The following NEK11 variants were observed in gnomAD, a reference collection of about 807,000 sequenced individuals.
NEK11 encodes serine/threonine-protein kinase Nek11.
A neutral mutation model predicts 80.7 loss-of-function variants in NEK11; 72 were observed. That is an observed-to-expected ratio of 0.89 (90% CI 0.74 to 1.08). NEK11 has a LOEUF of 1.08. Among genes scored for constraint, NEK11 ranks in the 50% least tolerant of loss-of-function variants. The probability of loss-of-function intolerance (pLI) is 0.00; values close to 1 mark genes in which losing one functional copy is unlikely to be tolerated. For synonymous variants in NEK11, 251 were observed against 260.7 expected (o/e 0.96, Z 0.36); for missense variants, 764 against 763.6 (o/e 1.00, Z -0.01).
chr3:131,321,707 A>T (rs1250184928), intron 17 of NEK11, among the ~76,000 whole-genome samples: 1 of 152,232 alleles, frequency 6.6e-6, no homozygotes, highest in Non-Finnish European at 1.5e-5. Flanking sequence ...TCTGAAAAGA[A>T]GACATACAAG....
At chr3:131,202,388 A>C (rs1375323802) in intron 14 of NEK11, among the ~76,000 whole-genome samples, 1 of 152,154 alleles carries the variant, frequency 6.6e-6, no homozygotes, top group East Asian at 1.9e-4. Flanking sequence ...GGACACTGCC[A>C]CCTAAACACT....
At chr3:131,319,985 G>A (rs72993104) in intron 17 of NEK11, among the ~76,000 whole-genome samples, 19,640 of 151,864 alleles carry the variant, frequency 0.13, 1,867 homozygotes, top group East Asian at 0.3. Flanking sequence ...AATCTGAACT[G>A]TATGAAATTG....
Position 131,100,248 on chromosome 3 carries a change from G to A in NEK11, c.337-9555G>A, listed in dbSNP as rs111252916. 2.7e-3 allele frequency among the ~76,000 whole-genome samples: 407 copies of A among 152,134 alleles called. 2 individuals carry two copies. The highest frequency in any genetic ancestry group is 7.5e-3 in the South Asian group (36 of 4,802). On this transcript the variant is annotated intron_variant, in intron 4 of 17. Coordinates refer to ENST00000383366, the MANE Select transcript of NEK11 (RefSeq NM_024800.5). ...CGCTTTTAATTTTGTTTATGTGGTG[G>A]GTGAATCACATTTATTGATTTGTGT...
chr3:131,267,558 A>G (rs2096084593), intron 16 of NEK11, among the ~76,000 whole-genome samples: 1 of 151,554 alleles, frequency 6.6e-6, no homozygotes, highest in African/African-American at 2.4e-5. Context: ...TGAGAGAGCC[A>G]CTGTTAGTCT....
At chr3:131,247,027 T>A (rs2095614123) in intron 16 of NEK11, among the ~76,000 whole-genome samples, 1 of 152,128 alleles carries the variant, frequency 6.6e-6, no homozygotes, top group Non-Finnish European at 1.5e-5. Flanking sequence ...AGTGCTTTGT[T>A]GGATGTATAG....
intron 17 of NEK11, among the ~76,000 whole-genome samples, chr3:131,317,197 G>A (rs1241644404): frequency 1.3e-5 from 2 of 152,214 alleles, no homozygotes; most frequent in Non-Finnish European, 2.9e-5. Context: ...ACCTAGGACA[G>A]TGTCAGCAGC....
At chr3:131,194,918 C>T (rs538432330) in intron 14 of NEK11, among the ~76,000 whole-genome samples, 2 of 152,260 alleles carry the variant, frequency 1.3e-5, no homozygotes, top group East Asian at 3.9e-4. Flanking sequence ...CAGACAAGTT[C>T]TGAAACTTTC....
At position 131,196,351 on chromosome 3, in the gene NEK11, C is replaced by T. The variant is rs114560459; in HGVS notation, c.1399+25464C>T. On this transcript the variant is annotated intron_variant, in intron 14 of 17. Transcript: ENST00000383366. The stretch of plus-strand genomic sequence containing the variant: ...ATAGATTCTTACTGTATAACACACA[C>T]AAAAATAAATTTCAGTGAATTAAAA... Among the ~76,000 whole-genome samples the T allele has an allele frequency of 6.6e-3, 1,006 of 151,724 alleles. 15 individuals are homozygous for T. Among genetic ancestry groups the T allele is most frequent in the East Asian group, 0.052 (267 of 5,178 alleles).
chr3:131,161,653 G>A (rs1560715022), intron 10 of NEK11, among the ~76,000 whole-genome samples: 1 of 152,114 alleles, frequency 6.6e-6, no homozygotes, highest in Non-Finnish European at 1.5e-5. Context: ...GACACATAGA[G>A]GGGAACAACA....
At chr3:131,105,648 T>C (rs2079066912) in intron 4 of NEK11, among the ~76,000 whole-genome samples, 1 of 152,162 alleles carries the variant, frequency 6.6e-6, no homozygotes, top group Admixed American at 6.5e-5. Flanking sequence ...TAGATGCTTA[T>C]AAAACCATCA....
intron 16 of NEK11, among the ~76,000 whole-genome samples, chr3:131,248,331 T>C (rs2095639853): frequency 6.6e-6 from 1 of 152,148 alleles, no homozygotes; most frequent in Non-Finnish European, 1.5e-5. Flanking sequence ...ATGCTTTTTC[T>C]GCATCTATAT....
intron 5 of NEK11, among the ~76,000 whole-genome samples, chr3:131,110,244 A>C (rs1217849097): frequency 6.6e-6 from 1 of 152,118 alleles, no homozygotes; most frequent in African/African-American, 2.4e-5. Context: ...GCATCCTATG[A>C]ATTTATTGTA....
intron 14 of NEK11, among the ~76,000 whole-genome samples, chr3:131,211,527 TG>T (rs1230006220): frequency 1.3e-5 from 2 of 152,246 alleles, no homozygotes; most frequent in East Asian, 3.8e-4. Context: ...CTTGCTAGGT[TG>T]GGGAAGTTCT....
At chr3:131,197,078 G>C (rs2094046629) in intron 14 of NEK11, among the ~76,000 whole-genome samples, 1 of 152,054 alleles carries the variant, frequency 6.6e-6, no homozygotes, top group African/African-American at 2.4e-5. Context: ...TTTCCTACCT[G>C]ATTGGTCAGG....
intron 4 of NEK11, among the ~76,000 whole-genome samples, chr3:131,082,746 G>A (rs930594417): frequency 1.3e-5 from 2 of 152,112 alleles, no homozygotes; most frequent in Non-Finnish European, 2.9e-5. Context: ...AATGTTACAA[G>A]AGTAACACAA....
intron 5 of NEK11, among the ~76,000 whole-genome samples, chr3:131,128,808 G>T (rs907792478): frequency 1.9e-4 from 29 of 152,264 alleles, no homozygotes; most frequent in African/African-American, 6.3e-4. Context: ...CCACATCCTT[G>T]TGAGCATTTG....
chr3:131,300,178 C>T (rs2096645688), intron 17 of NEK11, among the ~76,000 whole-genome samples: 1 of 152,126 alleles, frequency 6.6e-6, no homozygotes, highest in African/African-American at 2.4e-5. Flanking sequence ...TGTATGTCTT[C>T]TTTTAAGAAG....
At chr3:131,317,457 G>T (rs558119398) in intron 17 of NEK11, among the ~76,000 whole-genome samples, 34 of 152,128 alleles carry the variant, frequency 2.2e-4, no homozygotes, top group African/African-American at 7.5e-4. Flanking sequence ...TTTCCAGGAG[G>T]CATCCTTGGC....
chr3:131,028,475 C>CAAAA (rs2064236406), intron 2 of NEK11, among the ~76,000 whole-genome samples: 1 of 152,162 alleles, frequency 6.6e-6, no homozygotes, highest in African/African-American at 2.4e-5. Context: ...TGATAACTAA[C>CAAAA]AAAACATTTA....
Sources: allele counts gnomAD v4.1 joint callset (sites outside exome capture counted in the v4.1 genomes callset), GRCh38; gene constraint gnomAD v4.1.1; transcripts MANE v1.5; gene names NCBI Gene and HGNC (gene_info 2026-07-23, HGNC 2026-07-21).